Variants in TNFRSF11B observed in about 807,000 individuals in gnomAD.
The protein encoded by TNFRSF11B is TNF receptor superfamily member 11b.
In TNFRSF11B, 16 loss-of-function variants were observed where a neutral mutation model predicts 43.4. The ratio of observed to expected loss-of-function variants is 0.37; its 90% CI spans 0.25 to 0.56. TNFRSF11B has a LOEUF of 0.56. Among genes scored for constraint, TNFRSF11B ranks in the 20% least tolerant of loss-of-function variants. The pLI, the probability that TNFRSF11B is intolerant of heterozygous loss-of-function variation, is 0.80. For synonymous variants in TNFRSF11B, 185 were observed against 181.8 expected, an observed-to-expected ratio of 1.02 and a Z score of -0.14; for missense variants, 444 against 490.1, an observed-to-expected ratio of 0.91 and a Z score of 0.89.
At chr8:118,945,117 T>C (rs1295261233) in intron 1 of TNFRSF11B, among the ~76,000 whole-genome samples, 1 of 152,152 alleles carries the variant, frequency 6.6e-6, no homozygotes, top group Non-Finnish European at 1.5e-5. Flanking sequence ...CATCTTGTGG[T>C]CTCACTGATT....
Position 118,928,865 on chromosome 8 carries a change from T to A in TNFRSF11B, c.465A>T (p.Ser155=). 1 of 1,614,226 alleles carries A rather than the reference T, an allele frequency of 6.2e-7. No homozygotes were observed. Among genetic ancestry groups the A allele is most frequent in the Non-Finnish European group, 8.5e-7 (1 of 1,180,032 alleles). ...TGTGTTTTCTACAGGGTGCTTTAGATGACGTCTCATTTGAGAAGAACCCAT... is the reference window on the plus strand; with the variant it reads ...TGTGTTTTCTACAGGGTGCTTTAGAAGACGTCTCATTTGAGAAGAACCCAT... ...CPDGFFSNET[S]SKAPCRKHTN... is the part of the protein sequence containing the mutation. The change falls in exon 3 of 5, where the codon TCA becomes TCT. Residue 155 remains serine (S), a synonymous_variant. Transcript: ENST00000297350.
intron 1 of TNFRSF11B, among the ~76,000 whole-genome samples, chr8:118,948,278 C>T (rs980287265): frequency 4.0e-5 from 6 of 149,772 alleles, no homozygotes. Flanking sequence ...ATTCCCCAGC[C>T]TTTTTTTTTT....
chr8:118,948,422 C>G (rs6469789), intron 1 of TNFRSF11B, among the ~76,000 whole-genome samples: 101,864 of 152,042 alleles, frequency 0.67, 36,179 homozygotes, highest in African/African-American at 0.92. Flanking sequence ...GGGGGGCTGA[C>G]GGTTGCCAAG....
At chr8:118,937,046 G>C (rs1313288830) in intron 1 of TNFRSF11B, among the ~76,000 whole-genome samples, 2 of 152,040 alleles carry the variant, frequency 1.3e-5, no homozygotes, top group Non-Finnish European at 2.9e-5. Flanking sequence ...TTTTTTGAAA[G>C]GAAAGTTAAG....
At chr8:118,938,182 A>G (rs1812429513) in intron 1 of TNFRSF11B, among the ~76,000 whole-genome samples, 1 of 152,030 alleles carries the variant, frequency 6.6e-6, no homozygotes, top group African/African-American at 2.4e-5. Flanking sequence ...GGGTCTCGCT[A>G]TGTTGCCCAG....
chr8:118,950,378 A>C (rs1812624306), intron 1 of TNFRSF11B, among the ~76,000 whole-genome samples: 1 of 152,234 alleles, frequency 6.6e-6, no homozygotes, highest in Non-Finnish European at 1.5e-5. Context: ...TGAATCTCAC[A>C]ACAGAACTTT....
chr8:118,926,795 C>CA, intron 3 of TNFRSF11B, 77 bp from the exon 4 acceptor site: 2 of 1,301,200 alleles, frequency 1.5e-6, no homozygotes, highest in African/African-American at 1.5e-5. Flanking sequence ...CAAACAAAAA[C>CA]AAAAAACCAA....
chr8:118,947,605 A>G (rs1192473405), intron 1 of TNFRSF11B, among the ~76,000 whole-genome samples: 1 of 152,198 alleles, frequency 6.6e-6, no homozygotes, highest in East Asian at 1.9e-4. Context: ...AAATCTAAGT[A>G]AAAAAATCTA....
intron 2 of TNFRSF11B, 180 bp from the exon 3 acceptor site, chr8:118,929,109 C>G (rs1205109938): frequency 1.6e-6 from 1 of 626,360 alleles, no homozygotes; most frequent in Non-Finnish European, 2.8e-6. Context: ...CACCATCATC[C>G]CCTTTGGCAG....
intron 1 of TNFRSF11B, 43 bp from the exon 2 acceptor site, chr8:118,933,343 A>C: frequency 1.2e-6 from 2 of 1,608,328 alleles, no homozygotes; most frequent in Non-Finnish European, 1.7e-6. Flanking sequence ...TTAGCATGAA[A>C]ATAGGTTTGT....
intron 1 of TNFRSF11B, among the ~76,000 whole-genome samples, chr8:118,935,210 G>A (rs1271876741): frequency 6.6e-6 from 1 of 152,128 alleles, no homozygotes; most frequent in Non-Finnish European, 1.5e-5. Flanking sequence ...GCTTTTAATT[G>A]TCTCAGGTGG....
intron 1 of TNFRSF11B, among the ~76,000 whole-genome samples, chr8:118,947,761 C>A (rs1812588281): frequency 6.6e-6 from 1 of 152,120 alleles, no homozygotes; most frequent in Non-Finnish European, 1.5e-5. Context: ...AAAACTCTAG[C>A]AACATTTGTT....
intron 1 of TNFRSF11B, among the ~76,000 whole-genome samples, chr8:118,951,159 A>G (rs965875573): frequency 3.9e-5 from 6 of 152,208 alleles, no homozygotes; most frequent in Non-Finnish European, 7.3e-5. Context: ...GTTTTAGAAC[A>G]TAACATACTG....
Position 118,951,858 on chromosome 8 carries a change from G to T in TNFRSF11B, c.-37C>A, listed in dbSNP as rs1194312147. The T allele has an allele frequency of 1.3e-6, 2 of 1,565,750 alleles. No homozygotes were observed. Among genetic ancestry groups the T allele is most frequent in the Non-Finnish European group, 1.7e-6 (2 of 1,153,866 alleles). Reference sequence around the variant, plus strand: ...GAAACCTCAGGGGCTTGGAGGCGGCGGCTGGGCGAGCGCTCCGGTGCGTCT... The same window carrying T: ...GAAACCTCAGGGGCTTGGAGGCGGCTGCTGGGCGAGCGCTCCGGTGCGTCT... On this transcript the variant is annotated 5_prime_UTR_variant, in exon 1 of 5. Transcript: ENST00000297350.
chr8:118,951,872 T>TC lies in TNFRSF11B; in HGVS notation c.-52dup, dbSNP rs1812653833. On this transcript the variant is annotated 5_prime_UTR_variant, in exon 1 of 5. Coordinates refer to ENST00000297350, the MANE Select transcript of TNFRSF11B (RefSeq NM_002546.4). The stretch of plus-strand genomic sequence containing the variant: ...TTGGAGGCGGCGGCTGGGCGAGCGC[T>TC]CCGGTGCGTCTCCGCAGCCCGTGCG... 4 of 1,521,996 alleles carry TC rather than the reference T, an allele frequency of 2.6e-6. No individual in the cohort carries two copies. The highest frequency in any genetic ancestry group is 3.6e-6 in the Non-Finnish European group (4 of 1,117,308). The allele number at this position is 1,521,996 out of a possible 1,614,324, so 94.3% of individuals were successfully genotyped here. A position where few individuals can be genotyped will look rare whatever the true frequency, so the allele number is the denominator to read the frequency against.
chr8:118,928,908 A>G lies in TNFRSF11B; in HGVS notation c.422T>C (p.Val141Ala), dbSNP rs765026405. The G allele has an allele frequency of 4.3e-6, 7 of 1,614,024 alleles. No individual in the cohort carries two copies. The highest frequency in any genetic ancestry group is 5.9e-6 in the Non-Finnish European group (7 of 1,180,040). The change falls in exon 3 of 5, where the codon GTT (valine) becomes GCT (alanine). Residue 141 changes from valine (V) to alanine (A), a missense_variant. Transcript: ENST00000297350. ...GAACCCATCTGGACATCTTTTGCAA[A>G]CTGTATTTCGCTCTGGGGTTCCTAC... ...VQAGTPERNT[V>A]CKRCPDGFFS...
chr8:118,949,151 ATCCCTACCTCCT>A (rs1326110678), intron 1 of TNFRSF11B, among the ~76,000 whole-genome samples: 3 of 152,000 alleles, frequency 2.0e-5, no homozygotes, highest in Non-Finnish European at 4.4e-5. Context: ...ACAACATCCC[ATCCCTACCTCCT>A]TCCCTGCTTG....
chr8:118,924,609 T>C lies in TNFRSF11B; in HGVS notation c.971A>G (p.Gln324Arg). The C allele has an allele frequency of 6.2e-7, 1 of 1,614,226 alleles. No individual in the cohort carries two copies. The highest frequency in any genetic ancestry group is 8.5e-7 in the Non-Finnish European group (1 of 1,180,048). The change falls in exon 5 of 5, where the codon CAG becomes CGG. Residue 324 changes from glutamine (Q) to arginine (R), a missense_variant. By Grantham distance (43) the Gln-to-Arg change is conservative. Coordinates refer to ENST00000297350, the MANE Select transcript of TNFRSF11B (RefSeq NM_002546.4). The part of the protein sequence containing the change: ...KTIKACKPSD[Q>R]ILKLLSLWRI... ...CCACAAACTGAGCAGCTTCAGGATC[T>C]GGTCACTGGGTTTGCATGCCTTTAT...
At chr8:118,947,520 T>C (rs1466892493) in intron 1 of TNFRSF11B, among the ~76,000 whole-genome samples, 1 of 152,174 alleles carries the variant, frequency 6.6e-6, no homozygotes, top group African/African-American at 2.4e-5. Flanking sequence ...GACTGTATGC[T>C]GCTGGACATC....
Sources: allele counts gnomAD v4.1 joint callset (sites outside exome capture counted in the v4.1 genomes callset), GRCh38; gene constraint gnomAD v4.1.1; transcripts MANE v1.5; gene names NCBI Gene and HGNC (gene_info 2026-07-23, HGNC 2026-07-21).